The following TMED9 variants were observed in gnomAD, a reference collection of about 807,000 sequenced individuals.
TMED9 encodes transmembrane emp24 domain-containing protein 9.
A neutral mutation model predicts 30.6 loss-of-function variants in TMED9; 22 were observed. The observed-to-expected ratio is 0.72, with a 90% CI of 0.51 to 1.03. The LOEUF is 1.03. Among genes scored for constraint, TMED9 ranks in the 50% least tolerant of loss-of-function variants. TMED9 has a pLI of 0.00. For synonymous variants in TMED9, 146 were observed against 122.8 expected (o/e 1.19, Z -1.25); for missense variants, 251 against 302.1 (o/e 0.83, Z 1.25).
Position 177,595,923 on chromosome 5 carries a change from G to A in TMED9, c.*507G>A, listed in dbSNP as rs1341687149. ...GTGGGTGGAGGGGTTTGCAGTGTGG[G>A]AATGTGGCCCTGCAGTTGACCTGAG... On this transcript the variant is annotated 3_prime_UTR_variant, in exon 5 of 5. Coordinates refer to ENST00000332598, the MANE Select transcript of TMED9 (RefSeq NM_017510.6). 1.3e-5 allele frequency: 2 copies of A among 152,948 alleles called. No individual in the cohort carries two copies. Among genetic ancestry groups the A allele is most frequent in the African/African-American group, 4.8e-5 (2 of 41,420 alleles). The allele number at this position is 152,948 out of a possible 1,614,324, so 9.5% of individuals were successfully genotyped here.
In TMED9 at chr5:177,596,096, TAAAA is replaced by T; in HGVS notation, c.*688_*691del. 1 of 148,182 alleles carries T rather than the reference TAAAA, an allele frequency of 6.7e-6. No homozygotes were observed. Among genetic ancestry groups the T allele is most frequent in the Non-Finnish European group, 1.5e-5 (1 of 66,642 alleles). The allele number at this position is 148,182 out of a possible 1,614,324, so 9.2% of individuals were successfully genotyped here. On this transcript the variant is annotated 3_prime_UTR_variant, in exon 5 of 5. Coordinates refer to ENST00000332598, the MANE Select transcript of TMED9 (RefSeq NM_017510.6). ...TAGGTTTGTTACATGAGTTTCCCAATAAAAAAAAAAATGACTTCTTGTCCAGTGC... is the reference window on the plus strand; with the variant it reads ...TAGGTTTGTTACATGAGTTTCCCAATAAAAAAATGACTTCTTGTCCAGTGC...
At position 177,595,414 on chromosome 5, in the gene TMED9, T is replaced by TAGC; in HGVS notation, c.707_*1dup. 5.6e-6 allele frequency: 9 copies of TAGC among 1,608,190 alleles called. No individual in the cohort carries two copies. Among genetic ancestry groups the TAGC allele is most frequent in the Non-Finnish European group, 6.8e-6 (8 of 1,175,926 alleles). The stretch of plus-strand genomic sequence containing the variant: ...CTTCTTTGAAGCCAAGAAGCTTGTG[T>TAGC]AGCTGTCCCAGGCGTCACAACCCAT... On this transcript the variant is annotated inframe_insertion and stop_retained_variant, in exon 5 of 5. Coordinates refer to ENST00000332598, the MANE Select transcript of TMED9 (RefSeq NM_017510.6).
In TMED9 at chr5:177,595,375, C is replaced by T. The variant is rs1442371826; in HGVS notation, c.667C>T (p.Arg223Trp). ...CGTGGCCATCGGTGTCTGGCAGATG[C>T]GGCACCTCAAGAGCTTCTTTGAAGC... is the stretch of plus-strand genomic sequence containing the variant. ...ILVAIGVWQM[R>W]HLKSFFEAKK... The change falls in exon 5 of 5, where the codon CGG becomes TGG. Residue 223 changes from arginine to tryptophan, a missense_variant. Arg to Trp is a moderately radical substitution (Grantham distance 101). This residue lies in a region of TMED9 where 153 missense variants were observed against 239.6 expected (regional missense o/e 0.64). Transcript: ENST00000332598. The T allele has an allele frequency of 2.5e-6, 4 of 1,612,486 alleles. No homozygotes were observed. Among genetic ancestry groups the T allele is most frequent in the Middle Eastern group, 1.6e-4 (1 of 6,072 alleles).
rs1561810308 is a variant in TMED9 at position 177,595,445 on chromosome 5, CA to C, written c.*30del. On this transcript the variant is annotated 3_prime_UTR_variant, in exon 5 of 5. Transcript: ENST00000332598. ...TCCCAGGCGTCACAACCCATCCTCC[CA>C]GGCTGGGGGAGAAAGGACCTCCTGG... 1 of 1,583,762 alleles carries C rather than the reference CA, an allele frequency of 6.3e-7. No individual in the cohort carries two copies. The highest frequency in any genetic ancestry group is 1.1e-5 in the South Asian group (1 of 88,402).
chr5:177,593,446 G>A (rs28674912), intron 2 of TMED9: 15 of 559,968 alleles, frequency 2.7e-5, no homozygotes, highest in Non-Finnish European at 4.3e-5. Flanking sequence ...CCTAATGTCA[G>A]ACTCTCAGAG....
At chr5:177,593,586 G>A (rs1021119789) in intron 2 of TMED9, 64 bp from the exon 3 acceptor site, 6 of 1,601,496 alleles carry the variant, frequency 3.7e-6, no homozygotes, top group Admixed American at 3.4e-5. Flanking sequence ...AGAGCCTTAA[G>A]CACTGTTTTC....
In TMED9 at chr5:177,594,284, G is replaced by C. The variant is rs747171739; in HGVS notation, c.557G>C (p.Arg186Pro). ...ATCCAGAAAGAGCAGAACTACCAGCGGGTGAGTGACTGGGCCGGGAGCAGT... is the reference window on the plus strand; with the variant it reads ...ATCCAGAAAGAGCAGAACTACCAGCCGGTGAGTGACTGGGCCGGGAGCAGT... ...EQIQKEQNYQRWREERFRQTS... is the reference protein window; with the variant it reads ...EQIQKEQNYQPWREERFRQTS... The change falls in exon 4 of 5, where the codon CGG becomes CCG. Residue 186 changes from arginine to proline, a missense_variant and splice_region_variant. By Grantham distance (103) the Arg-to-Pro change is moderately radical. Transcript: ENST00000332598. 6.2e-7 allele frequency: 1 copy of C among 1,613,836 alleles called. No homozygotes were observed.
Position 177,596,587 on chromosome 5 carries a change from AGTG to A in TMED9, c.*1173_*1175del, listed in dbSNP as rs1767694760. ...ATGGCAGGACAGGGGTGGTTGGAGA[AGTG>A]GAGGCAAACAGCTGGAATGGAGGTG... On this transcript the variant is annotated 3_prime_UTR_variant, in exon 5 of 5. Coordinates refer to ENST00000332598, the MANE Select transcript of TMED9 (RefSeq NM_017510.6). Among the ~76,000 whole-genome samples the A allele has an allele frequency of 6.6e-6, 1 of 152,310 alleles. No homozygotes were observed. Among genetic ancestry groups the A allele is most frequent in the East Asian group, 1.9e-4 (1 of 5,192 alleles).
At position 177,596,985 on chromosome 5, in the gene TMED9, TAAG is replaced by T; in HGVS notation, c.*1572_*1574del. Among the ~76,000 whole-genome samples the T allele has an allele frequency of 6.6e-6, 1 of 151,958 alleles. No homozygotes were observed. The highest frequency in any genetic ancestry group is 1.9e-4 in the East Asian group (1 of 5,174). On this transcript the variant is annotated 3_prime_UTR_variant, in exon 5 of 5. Transcript: ENST00000332598. ...GGCAGTTTTGAGAAGAACCTTCTAA[TAAG>T]AAATGTGAGGGAGGTTACAGCAGTG...
At chr5:177,595,024 T>G (rs1767662958) in intron 4 of TMED9, among the ~76,000 whole-genome samples, 1 of 152,110 alleles carries the variant, frequency 6.6e-6, no homozygotes, top group African/African-American at 2.4e-5. Flanking sequence ...CACAACTACC[T>G]TACCTCTCTC....
rs1249939717 is a variant in TMED9 at position 177,596,978 on chromosome 5, C to G, written c.*1562C>G. Reference sequence around the variant, plus strand: ...ATGGGCAGGCAGTTTTGAGAAGAACCTTCTAATAAGAAATGTGAGGGAGGT... The same window carrying G: ...ATGGGCAGGCAGTTTTGAGAAGAACGTTCTAATAAGAAATGTGAGGGAGGT... On this transcript the variant is annotated 3_prime_UTR_variant, in exon 5 of 5. Transcript: ENST00000332598. 6.6e-6 allele frequency among the ~76,000 whole-genome samples: 1 copy of G among 152,032 alleles called. No homozygotes were observed. The highest frequency in any genetic ancestry group is 1.5e-5 in the Non-Finnish European group (1 of 68,014).
intron 2 of TMED9, 190 bp from the exon 3 acceptor site, chr5:177,593,460 A>G (rs138516809): frequency 2.7e-4 from 173 of 649,770 alleles, no homozygotes; most frequent in African/African-American, 2.5e-3. Context: ...CTCAGAGTCT[A>G]AACACCTGCC....
At position 177,594,209 on chromosome 5, in the gene TMED9, T is replaced by G; in HGVS notation, c.482T>G (p.Leu161Trp). ...DYAEIAAKDK[L>W]SELQLRVRQL... Reference sequence around the variant, plus strand: ...GCAGAAATTGCTGCTAAAGACAAGTTGAGTGAGTTGCAGCTACGAGTGCGA... The same window carrying G: ...GCAGAAATTGCTGCTAAAGACAAGTGGAGTGAGTTGCAGCTACGAGTGCGA... The change falls in exon 4 of 5, where the codon TTG becomes TGG. Residue 161 changes from leucine to tryptophan, a missense_variant. Leu to Trp is a moderately conservative substitution (Grantham distance 61, BLOSUM62 -2). Transcript: ENST00000332598. 2 of 1,614,168 alleles carry G rather than the reference T, an allele frequency of 1.2e-6. No individual in the cohort carries two copies. Among genetic ancestry groups the G allele is most frequent in the Non-Finnish European group, 1.7e-6 (2 of 1,180,024 alleles).
In TMED9 at chr5:177,592,588, G is replaced by T; in HGVS notation, c.198G>T (p.Thr66=). Residue 66 remains threonine (T), a synonymous_variant, in exon 2 of 5, where the codon ACG becomes ACT. Transcript: ENST00000332598. ...GCTTCCCTCAAGGAAACTACCGGAC[G>T]CAGCTGTATGACAAGCAGCGGGAGG... is the stretch of plus-strand genomic sequence containing the variant. ...DETMVIGNYR[T]QLYDKQREEY... 1 of 1,613,294 alleles carries T rather than the reference G, an allele frequency of 6.2e-7. No individual in the cohort carries two copies. The highest frequency in any genetic ancestry group is 1.1e-5 in the South Asian group (1 of 90,852).
intron 2 of TMED9, among the ~76,000 whole-genome samples, chr5:177,592,913 T>A (rs1767617289): frequency 6.6e-6 from 1 of 152,138 alleles, no homozygotes; most frequent in African/African-American, 2.4e-5. Context: ...CAGAACATGA[T>A]ACTTTCCCCA....
chr5:177,593,919 C>T, intron 3 of TMED9, 144 bp downstream of exon 3: 1 of 1,295,302 alleles, frequency 7.7e-7, no homozygotes, highest in Non-Finnish European at 1.1e-6. Flanking sequence ...ATGTCCAGGA[C>T]ACAGTGACTG....
At chr5:177,593,941 C>T in intron 3 of TMED9, 166 bp downstream of exon 3, 1 of 1,203,778 alleles carries the variant, frequency 8.3e-7, no homozygotes, top group Non-Finnish European at 1.2e-6. Context: ...GCTCTTTGTA[C>T]ATGCCTCACT....
At position 177,594,202 on chromosome 5, in the gene TMED9, G is replaced by T; in HGVS notation, c.475G>T (p.Asp159Tyr). 6.2e-7 allele frequency: 1 copy of T among 1,614,254 alleles called. No individual in the cohort carries two copies. The highest frequency in any genetic ancestry group is 1.1e-5 in the South Asian group (1 of 91,080). Residue 159 changes from aspartate (D) to tyrosine (Y), a missense_variant, in exon 4 of 5, where the codon GAC becomes TAC. Asp to Tyr is a radical substitution (Grantham distance 160, BLOSUM62 -3). Transcript: ENST00000332598. ...ANDYAEIAAK[D>Y]KLSELQLRVR... ...TGACTATGCAGAAATTGCTGCTAAAGACAAGTTGAGTGAGTTGCAGCTACG... is the reference window on the plus strand; with the variant it reads ...TGACTATGCAGAAATTGCTGCTAAATACAAGTTGAGTGAGTTGCAGCTACG...
At chr5:177,594,084 C>G in intron 3 of TMED9, 55 bp from the exon 4 acceptor site, 1 of 1,604,060 alleles carries the variant, frequency 6.2e-7, no homozygotes. Context: ...CAGTCTCTGG[C>G]AGGAAGATGG....
Sources: allele counts gnomAD v4.1 joint callset (sites outside exome capture counted in the v4.1 genomes callset), GRCh38; gene constraint gnomAD v4.1.1; regional missense constraint gnomAD v4.1.1; transcripts MANE v1.5; gene names NCBI Gene and HGNC (gene_info 2026-07-23, HGNC 2026-07-21).